The following TGM4 variants were observed in gnomAD, a reference collection of about 807,000 sequenced individuals.
The protein encoded by TGM4 is transglutaminase 4.
In TGM4, 61 loss-of-function variants were observed where a neutral mutation model predicts 76.3. That is an observed-to-expected ratio of 0.80 (90% CI 0.65 to 0.99). The LOEUF is 0.99. Ranked by LOEUF, TGM4 falls within the 50% of genes least tolerant of loss-of-function variation. The pLI, the probability that TGM4 is intolerant of heterozygous loss-of-function variation, is 0.00. For synonymous variants in TGM4, 337 were observed against 329.8 expected, an observed-to-expected ratio of 1.02 and a Z score of -0.24; for missense variants, 794 against 843.2, an observed-to-expected ratio of 0.94 and a Z score of 0.72.
chr3:44,883,253 A>G (rs990079620), intron 1 of TGM4, among the ~76,000 whole-genome samples: 2 of 152,156 alleles, frequency 1.3e-5, no homozygotes, highest in African/African-American at 4.8e-5. Flanking sequence ...TCTCCCCCTA[A>G]AATTCAGGGG....
At chr3:44,877,429 G>T (rs12497045) in intron 1 of TGM4, among the ~76,000 whole-genome samples, 18,245 of 151,970 alleles carry the variant, frequency 0.12, 1,237 homozygotes, top group Admixed American at 0.19. Flanking sequence ...AACAGAGCGA[G>T]ACTTTGTCTC....
At chr3:44,910,913 G>T in intron 11 of TGM4, 45 bp from the exon 12 acceptor site, 15 of 1,592,406 alleles carry the variant, frequency 9.4e-6, no homozygotes, top group Non-Finnish European at 1.3e-5. Flanking sequence ...CATACTGGGG[G>T]GGTATGATGA....
At chr3:44,887,907 C>A in intron 3 of TGM4, 112 bp downstream of exon 3, 1 of 896,410 alleles carries the variant, frequency 1.1e-6, no homozygotes, top group Non-Finnish European at 1.8e-6. Context: ...TGGTTTAAAG[C>A]CATCCACAGC....
chr3:44,901,721 G>A (rs1046082589), intron 7 of TGM4, 23 bp downstream of exon 7: 35 of 1,612,688 alleles, frequency 2.2e-5, no homozygotes, highest in Non-Finnish European at 2.6e-5. Flanking sequence ...TCCAGGGGCT[G>A]AGGGGAGAGG....
chr3:44,883,389 C>T (rs890791621), intron 1 of TGM4, among the ~76,000 whole-genome samples: 1 of 152,190 alleles, frequency 6.6e-6, no homozygotes, highest in Non-Finnish European at 1.5e-5. Context: ...GGTCCTCTCT[C>T]GCCCTCTGCC....
At chr3:44,900,250 G>A (rs530254828) in intron 6 of TGM4, among the ~76,000 whole-genome samples, 4 of 152,326 alleles carry the variant, frequency 2.6e-5, no homozygotes, top group Admixed American at 6.5e-5. Context: ...CGCAGCAGCC[G>A]GACCAGGGCA....
chr3:44,892,433 C>A (rs1179369621), intron 4 of TGM4, among the ~76,000 whole-genome samples: 1 of 144,142 alleles, frequency 6.9e-6, no homozygotes. Flanking sequence ...CGCAATGGTG[C>A]GATCTTGGCT....
chr3:44,893,623 C>G lies in TGM4; in HGVS notation c.477C>G (p.Ile159Met). ...ATGAGGACGAGCGCAAAGAGTACAT[C>G]CTCAATGACACGGGCTGCCATTACG... The part of the protein sequence containing the change: ...MPDEDERKEY[I>M]LNDTGCHYVG... Residue 159 changes from isoleucine (I) to methionine (M), a missense_variant, in exon 5 of 14, where the codon ATC becomes ATG. By Grantham distance (10) the Ile-to-Met change is conservative. Coordinates refer to ENST00000296125, the MANE Select transcript of TGM4 (RefSeq NM_003241.4). 1.2e-6 allele frequency: 2 copies of G among 1,613,902 alleles called. No individual in the cohort carries two copies. Among genetic ancestry groups the G allele is most frequent in the Non-Finnish European group, 1.7e-6 (2 of 1,179,886 alleles).
chr3:44,887,256 C>G (rs1293918506), intron 2 of TGM4, among the ~76,000 whole-genome samples: 1 of 152,218 alleles, frequency 6.6e-6, no homozygotes, highest in East Asian at 1.9e-4. Context: ...CAAGATCCTG[C>G]AACAGCTTGC....
chr3:44,900,221 G>T (rs547571469), intron 6 of TGM4, among the ~76,000 whole-genome samples: 25 of 152,316 alleles, frequency 1.6e-4, no homozygotes, highest in African/African-American at 5.5e-4. Flanking sequence ...GGCTGGGGCC[G>T]CTTAATTTCG....
rs746857763 is a variant in TGM4 at position 44,896,815 on chromosome 3, TGGTA to T, written c.657+4_657+7del. On this transcript the variant is annotated splice_donor_variant and splice_donor_region_variant and coding_sequence_variant and intron_variant, in exon 6 of 14. Transcript: ENST00000296125. LOFTEE classifies it high-confidence loss of function. ...CTGGTGTGCAGGGCCATGTGTGCTA[TGGTA>T]GGTATGGAAAGCCTGGGCTGATGCT... 6.2e-7 allele frequency: 1 copy of T among 1,613,554 alleles called. No individual in the cohort carries two copies. Among genetic ancestry groups the T allele is most frequent in the South Asian group, 1.1e-5 (1 of 91,066 alleles).
Position 44,885,203 on chromosome 3 carries a change from G to A in TGM4, c.20-122G>A, listed in dbSNP as rs1390792785. Reference sequence around the variant, plus strand: ...CATAACCAGCTGGAGGTGGAGCAGGGATGCCCGACTCTAAAGCCCAGCTCC... The same window carrying A: ...CATAACCAGCTGGAGGTGGAGCAGGAATGCCCGACTCTAAAGCCCAGCTCC... On this transcript the variant is annotated intron_variant, in intron 1 of 13. Transcript: ENST00000296125. 15 of 995,882 alleles carry A rather than the reference G, an allele frequency of 1.5e-5. No homozygotes were observed. The East Asian group carries it at 4.0e-4, about 27-fold the overall frequency. The allele number at this position is 995,882 out of a possible 1,614,324, so 61.7% of individuals were successfully genotyped here.
rs1700060148 is a variant in TGM4, at chr3:44,914,679, G to C, written c.*954G>C. The stretch of plus-strand genomic sequence containing the variant: ...GCTGGCGGTTTATGCAGTCACTTGG[G>C]GAGCCATGGAATCCTTTGATCTCCC... On this transcript the variant is annotated 3_prime_UTR_variant, in exon 14 of 14. Coordinates refer to ENST00000296125, the MANE Select transcript of TGM4 (RefSeq NM_003241.4). The C allele has an allele frequency of 6.6e-6, 1 of 152,116 alleles. No individual in the cohort carries two copies. Among genetic ancestry groups the C allele is most frequent in the Non-Finnish European group, 1.5e-5 (1 of 68,038 alleles). The allele number at this position is 152,116 out of a possible 1,614,324, so 9.4% of individuals were successfully genotyped here.
chr3:44,905,041 A>G (rs573740145), intron 9 of TGM4, among the ~76,000 whole-genome samples: 4 of 147,064 alleles, frequency 2.7e-5, no homozygotes, highest in Non-Finnish European at 6.0e-5. Context: ...CTGGAGTGCA[A>G]TGGTGCAATC....
At chr3:44,897,251 G>A (rs1239271594) in intron 6 of TGM4, among the ~76,000 whole-genome samples, 3 of 152,134 alleles carry the variant, frequency 2.0e-5, no homozygotes, top group Admixed American at 1.3e-4. Flanking sequence ...TGATCCACCC[G>A]CCTCGGACTC....
chr3:44,907,645 C>T (rs1402645614), intron 10 of TGM4, among the ~76,000 whole-genome samples: 1 of 152,158 alleles, frequency 6.6e-6, no homozygotes, highest in African/African-American at 2.4e-5. Flanking sequence ...CCTTCCTGAG[C>T]TTAAGTTCAT....
rs1305438456 is a variant in TGM4 at position 44,896,774 on chromosome 3, TAGG to T, written c.619_621del (p.Arg207del). The stretch of plus-strand genomic sequence containing the variant: ...CTGAGAGCTCCCTCAAGCCCACAGA[TAGG>T]AGGGACCCCGTGCTGGTGTGCAGGG... On this transcript the variant is annotated inframe_deletion, in exon 6 of 14. Transcript: ENST00000296125. 6.2e-7 allele frequency: 1 copy of T among 1,614,128 alleles called. No individual in the cohort carries two copies. Among genetic ancestry groups the T allele is most frequent in the Admixed American group, 1.7e-5 (1 of 60,024 alleles).
chr3:44,879,698 G>A (rs1420748350), intron 1 of TGM4, among the ~76,000 whole-genome samples: 2 of 151,770 alleles, frequency 1.3e-5, no homozygotes, highest in Non-Finnish European at 2.9e-5. Flanking sequence ...GGCTGGTCTC[G>A]AACTCCTGAC....
chr3:44,898,818 G>A (rs1429831677), intron 6 of TGM4, among the ~76,000 whole-genome samples: 1 of 152,112 alleles, frequency 6.6e-6, no homozygotes, highest in Non-Finnish European at 1.5e-5. Flanking sequence ...TGACTCTCTG[G>A]GGCCCAGGAG....
Sources: gnomAD v4.1 joint callset for allele counts (sites outside exome capture counted in the v4.1 genomes callset) on GRCh38, gnomAD v4.1.1 for gene constraint, MANE v1.5 for transcripts, NCBI Gene and HGNC (gene_info 2026-07-23, HGNC 2026-07-21) for gene names.